The following THSD4 variants were observed in gnomAD, a reference collection of about 807,000 sequenced individuals.
THSD4 encodes the protein thrombospondin type 1 domain containing 4, also known as thrombospondin type-1 domain-containing protein 4.
Under a neutral mutation model 119.0 loss-of-function variants are expected in THSD4, and 69 were observed. The observed-to-expected ratio is 0.58, with a 90% CI of 0.48 to 0.71. The LOEUF (loss-of-function observed/expected upper bound fraction) is 0.71, where lower values mean the gene tolerates loss of function less well. THSD4 is among the 30% of genes least tolerant of loss of function. The probability of loss-of-function intolerance (pLI) is 0.00; values close to 1 mark genes in which losing one functional copy is unlikely to be tolerated. For missense variants in THSD4, 1,393 were observed against 1,391.1 expected (o/e 1.00, Z -0.02); for synonymous variants, 524 against 540.4 (o/e 0.97, Z 0.42).
chr15:71,118,807 C>T (rs368725395), intron 1 of THSD4, among the ~76,000 whole-genome samples: 2 of 152,252 alleles, frequency 1.3e-5, no homozygotes, highest in African/African-American at 2.4e-5. Context: ...TGCAGGCTGA[C>T]GCAGGTGAGG....
intron 6 of THSD4, among the ~76,000 whole-genome samples, chr15:71,274,221 A>C (rs2044564579): frequency 6.6e-6 from 1 of 152,240 alleles, no homozygotes; most frequent in South Asian, 2.1e-4. Flanking sequence ...ACTGAAACTC[A>C]TGACATGTCA....
rs1379506089 is a variant in THSD4, at chr15:71,532,283, A to AGAGAGAGAGAGAGAGTGTGTGTGT, written c.1152+120461_1152+120462insAGAGAGAGAGAGAGTGTGTGTGTG. On this transcript the variant is annotated intron_variant, in intron 7 of 17. Coordinates refer to ENST00000261862, the MANE Select transcript of THSD4 (RefSeq NM_024817.3). ...AAGGGTGAGAGAGAGAGAGAGAGAG[A>AGAGAGAGAGAGAGAGTGTGTGTGT]GTGTGTGTGTGTGTGTGTGTGTGTG... is the stretch of plus-strand genomic sequence containing the variant. 7.3e-4 allele frequency among the ~76,000 whole-genome samples: 74 copies of AGAGAGAGAGAGAGAGTGTGTGTGT among 101,636 alleles called. 1 individual carries two copies. The highest frequency in any genetic ancestry group is 2.2e-3 in the East Asian group (7 of 3,152). The allele number at this position is 101,636 out of a possible 152,430, so 66.7% of individuals were successfully genotyped here.
chr15:71,181,767 G>A (rs371910854), intron 3 of THSD4, among the ~76,000 whole-genome samples: 2 of 152,280 alleles, frequency 1.3e-5, no homozygotes, highest in East Asian at 3.9e-4. Flanking sequence ...GTGTTAACCT[G>A]GTGACAGGAA....
At chr15:71,299,960 C>CAAAAA (rs141320911) in intron 6 of THSD4, among the ~76,000 whole-genome samples, 17 of 109,024 alleles carry the variant, frequency 1.6e-4, no homozygotes, top group African/African-American at 3.2e-4. Flanking sequence ...CTGTCTCTAC[C>CAAAAA]AAAAAAAAAA....
In THSD4 at chr15:71,230,896, TCTC is replaced by T. The variant is rs576219257; in HGVS notation, c.465-11750_465-11748del. 3.9e-5 allele frequency among the ~76,000 whole-genome samples: 6 copies of T among 152,356 alleles called. No homozygotes were observed. The South Asian group carries it at 1.2e-3, about 32-fold the overall frequency. On this transcript the variant is annotated intron_variant, in intron 4 of 17. Coordinates refer to ENST00000261862, the MANE Select transcript of THSD4 (RefSeq NM_024817.3). ...ATGCCTCTTCCTCTGGTCAGATTCA[TCTC>T]CTTGCTGGGAGGACACACTGGATTT...
rs552470465 is a variant in THSD4, at chr15:71,306,501, T to G, written c.1015+49786T>G. On this transcript the variant is annotated intron_variant, in intron 6 of 17. Transcript: ENST00000261862. Reference sequence around the variant, plus strand: ...TACACTCTCTGCTTCTCAGTTACCTTTACTGAGAAATTAAGGTAAACAAAG... The same window carrying G: ...TACACTCTCTGCTTCTCAGTTACCTGTACTGAGAAATTAAGGTAAACAAAG... Among the ~76,000 whole-genome samples the G allele has an allele frequency of 3.2e-4, 48 of 152,224 alleles. 1 individual carries two copies. The South Asian group carries it at 9.8e-3, about 31-fold the overall frequency.
rs1482535685 is a variant in THSD4, at chr15:71,416,366, A to G, written c.1152+4543A>G. Among the ~76,000 whole-genome samples, 7 of 49,080 alleles carry G rather than the reference A, an allele frequency of 1.4e-4. 2 individuals are homozygous for G. The highest frequency in any genetic ancestry group is 4.4e-4 in the African/African-American group (7 of 16,004). The allele number at this position is 49,080 out of a possible 152,430, so 32.2% of individuals were successfully genotyped here. On this transcript the variant is annotated intron_variant, in intron 7 of 17. Transcript: ENST00000261862. Reference sequence around the variant, plus strand: ...ATATGCCTACCAGTGAGACTGCTGGATCACAGGGTAGCTCTATTCTTACTT... The same window carrying G: ...ATATGCCTACCAGTGAGACTGCTGGGTCACAGGGTAGCTCTATTCTTACTT...
intron 5 of THSD4, among the ~76,000 whole-genome samples, chr15:71,245,203 G>A (rs188114406): frequency 3.3e-5 from 5 of 152,308 alleles, no homozygotes; most frequent in South Asian, 2.1e-4. Flanking sequence ...GGATTGTATA[G>A]GTGTAGTTCC....
At chr15:71,394,069 A>T (rs2046412161) in intron 6 of THSD4, among the ~76,000 whole-genome samples, 1 of 120,520 alleles carries the variant, frequency 8.3e-6, no homozygotes, top group Non-Finnish European at 1.8e-5. Flanking sequence ...TGAATATCAG[A>T]TACACAATAT....
intron 7 of THSD4, among the ~76,000 whole-genome samples, chr15:71,491,483 T>C (rs1174476003): frequency 2.0e-5 from 3 of 152,228 alleles, no homozygotes; most frequent in Non-Finnish European, 4.4e-5. Context: ...TACCTTGCAC[T>C]GCCTTGGAAC....
intron 6 of THSD4, among the ~76,000 whole-genome samples, chr15:71,335,759 G>A (rs1051977682): frequency 6.6e-6 from 1 of 152,116 alleles, no homozygotes; most frequent in African/African-American, 2.4e-5. Flanking sequence ...CATGTTTCTG[G>A]TTTCTGGCTG....
intron 7 of THSD4, among the ~76,000 whole-genome samples, chr15:71,654,926 C>T (rs1227001571): frequency 6.6e-6 from 1 of 152,130 alleles, no homozygotes; most frequent in Non-Finnish European, 1.5e-5. Context: ...ACCAGCCTAC[C>T]CTGCTGTGAA....
intron 6 of THSD4, among the ~76,000 whole-genome samples, chr15:71,350,106 C>T (rs978609616): frequency 6.7e-6 from 1 of 148,186 alleles, no homozygotes; most frequent in Non-Finnish European, 1.5e-5. Context: ...AGATAGATTT[C>T]CAGCCTTATA....
chr15:71,350,768 CAG>C (rs986467402), intron 6 of THSD4, among the ~76,000 whole-genome samples: 2 of 152,044 alleles, frequency 1.3e-5, no homozygotes, highest in African/African-American at 4.8e-5. Flanking sequence ...GGAAAAATAA[CAG>C]AGCTGGGAAC....
At chr15:71,458,676 T>C (rs1185762896) in intron 7 of THSD4, among the ~76,000 whole-genome samples, 1 of 152,178 alleles carries the variant, frequency 6.6e-6, no homozygotes, top group Non-Finnish European at 1.5e-5. Context: ...TGTTAACTGA[T>C]CATGTAATTG....
intron 7 of THSD4, among the ~76,000 whole-genome samples, chr15:71,628,729 A>G (rs1224099159): frequency 5.9e-5 from 9 of 152,328 alleles, no homozygotes; most frequent in Admixed American, 3.3e-4. Context: ...GAGACGTTCA[A>G]GAGTCTTTGA....
intron 4 of THSD4, among the ~76,000 whole-genome samples, chr15:71,239,511 A>G (rs1157254187): frequency 6.6e-6 from 1 of 152,188 alleles, no homozygotes; most frequent in African/African-American, 2.4e-5. Context: ...ACTAGCCTAC[A>G]CTGACTCCCA....
chr15:71,141,001 G>T (rs2040597968), intron 1 of THSD4, among the ~76,000 whole-genome samples: 1 of 152,304 alleles, frequency 6.6e-6, no homozygotes, highest in South Asian at 2.1e-4. Context: ...ATGTTTTCAA[G>T]GTTCATCCCC....
intron 7 of THSD4, among the ~76,000 whole-genome samples, chr15:71,620,677 T>A (rs2050404245): frequency 1.3e-5 from 2 of 152,204 alleles, no homozygotes; most frequent in African/African-American, 4.8e-5. Context: ...GTACTCTGTG[T>A]ATAACCTTGC....
Sources: gnomAD v4.1 joint callset for allele counts (sites outside exome capture counted in the v4.1 genomes callset) on GRCh38, gnomAD v4.1.1 for gene constraint, MANE v1.5 for transcripts, NCBI Gene and HGNC (gene_info 2026-07-23, HGNC 2026-07-21) for gene names.